Variants in BABAM2 observed in about 807,000 individuals in gnomAD.
BABAM2 encodes BRISC and BRCA1 A complex member 2.
BABAM2 carries 31 observed loss-of-function variants against 54.7 expected under a neutral mutation model. The observed-to-expected ratio is 0.57, with a 90% CI of 0.43 to 0.77. BABAM2 has a LOEUF of 0.77. Among genes scored for constraint, BABAM2 ranks in the 30% least tolerant of loss-of-function variants. BABAM2 has a pLI of 0.00. For synonymous variants in BABAM2, 167 were observed against 162.9 expected, an observed-to-expected ratio of 1.03 and a Z score of -0.19; for missense variants, 364 against 455.8, an observed-to-expected ratio of 0.80 and a Z score of 1.83.
intron 5 of BABAM2, among the ~76,000 whole-genome samples, chr2:28,034,715 G>A (rs1216338216): frequency 6.6e-6 from 1 of 152,158 alleles, no homozygotes; most frequent in Non-Finnish European, 1.5e-5. Flanking sequence ...AGGTGGAGAA[G>A]AGGAAGGAAA....
intron 10 of BABAM2, among the ~76,000 whole-genome samples, chr2:28,258,549 G>T (rs1180835120): frequency 6.6e-6 from 1 of 150,616 alleles, no homozygotes. Flanking sequence ...CTTTTCCTAT[G>T]CTTATCTGCC....
At chr2:27,963,565 A>G (rs896821965) in intron 3 of BABAM2, among the ~76,000 whole-genome samples, 1 of 151,904 alleles carries the variant, frequency 6.6e-6, no homozygotes, top group African/African-American at 2.4e-5. Context: ...AAAACCTGTT[A>G]TATCTTTAGT....
chr2:28,251,797 C>T (rs1433808190), intron 10 of BABAM2, among the ~76,000 whole-genome samples: 1 of 152,140 alleles, frequency 6.6e-6, no homozygotes, highest in Non-Finnish European at 1.5e-5. Context: ...GAATTTGTTT[C>T]AAGCCAAATC....
chr2:27,924,991 T>A (rs1667581746), intron 2 of BABAM2, among the ~76,000 whole-genome samples: 1 of 152,210 alleles, frequency 6.6e-6, no homozygotes, highest in South Asian at 2.1e-4. Flanking sequence ...AGCTTTCCTC[T>A]GTTCCCTTGA....
intron 7 of BABAM2, among the ~76,000 whole-genome samples, chr2:28,165,628 G>A (rs1673592465): frequency 7.2e-6 from 1 of 138,970 alleles, no homozygotes; most frequent in Non-Finnish European, 1.5e-5. Flanking sequence ...TCCGCTTCCT[G>A]GGTTCAAGGG....
At chr2:28,247,415 C>A (rs1010723177) in intron 10 of BABAM2, among the ~76,000 whole-genome samples, 1 of 152,316 alleles carries the variant, frequency 6.6e-6, no homozygotes, top group African/African-American at 2.4e-5. Flanking sequence ...CTTAGTCATG[C>A]AGTTAAGCAT....
intron 4 of BABAM2, among the ~76,000 whole-genome samples, chr2:28,012,481 A>G (rs886694297): frequency 6.6e-6 from 1 of 152,192 alleles, no homozygotes; most frequent in Admixed American, 6.5e-5. Flanking sequence ...TAATACATAT[A>G]TTTTTGAGAA....
In BABAM2 at chr2:28,308,063, T is replaced by C. The variant is rs184631138; in HGVS notation, c.1088+9572T>C. The C allele has an allele frequency of 1.9e-3, 354 of 191,128 alleles. 1 individual carries two copies. Among genetic ancestry groups the C allele is most frequent in the Non-Finnish European group, 3.0e-3 (274 of 91,964 alleles). 11.8% of individuals were successfully genotyped at this position (191,128 alleles called of 1,614,324 possible). On this transcript the variant is annotated intron_variant, in intron 11 of 11. Transcript: ENST00000379624. ...TTCTTAGTAGGCCTCATACAGATTA[T>C]AAAAACTGAGGCTCAGAGTGATTAA...
At chr2:28,271,402 T>C (rs890840193) in intron 10 of BABAM2, among the ~76,000 whole-genome samples, 1 of 151,440 alleles carries the variant, frequency 6.6e-6, no homozygotes, top group African/African-American at 2.4e-5. Flanking sequence ...ACCAACATGA[T>C]TTCCTCTCCT....
chr2:28,309,858 T>G, intron 11 of BABAM2: 3 of 513,688 alleles, frequency 5.8e-6, no homozygotes, highest in South Asian at 2.7e-5. Context: ...GAGAAGACAA[T>G]AAAGTCAGTG....
chr2:28,025,448 G>A (rs1405529664), intron 5 of BABAM2, 28 bp downstream of exon 5: 1 of 1,532,604 alleles, frequency 6.5e-7, no homozygotes, highest in Admixed American at 2.3e-5. Context: ...TGGAAAAAAA[G>A]ATGACTTCAT....
intron 7 of BABAM2, among the ~76,000 whole-genome samples, chr2:28,161,317 G>A (rs777689546): frequency 6.6e-5 from 10 of 152,124 alleles, no homozygotes; most frequent in Non-Finnish European, 1.5e-4. Context: ...GGCTCCAGGA[G>A]TCTAGGTGCT....
intron 4 of BABAM2, among the ~76,000 whole-genome samples, chr2:28,021,219 A>G (rs539529994): frequency 6.6e-6 from 1 of 152,318 alleles, no homozygotes; most frequent in African/African-American, 2.4e-5. Flanking sequence ...CTGAAGCACT[A>G]TCAGGATAAT....
At chr2:28,084,136 T>C (rs1471509943) in intron 6 of BABAM2, among the ~76,000 whole-genome samples, 1 of 152,130 alleles carries the variant, frequency 6.6e-6, no homozygotes. Flanking sequence ...ACATGGATGA[T>C]AGAGACACAG....
intron 3 of BABAM2, among the ~76,000 whole-genome samples, chr2:27,932,786 G>A (rs1668190690): frequency 6.6e-6 from 1 of 152,142 alleles, no homozygotes; most frequent in Non-Finnish European, 1.5e-5. Flanking sequence ...TACTAGGACA[G>A]ATGGCTTCCT....
intron 11 of BABAM2, among the ~76,000 whole-genome samples, chr2:28,312,007 A>G (rs1278123137): frequency 6.6e-6 from 1 of 152,224 alleles, no homozygotes; most frequent in African/African-American, 2.4e-5. Context: ...GCTTCTTAGG[A>G]ATTAGGCTTG....
At chr2:28,250,493 G>T (rs991366182) in intron 10 of BABAM2, among the ~76,000 whole-genome samples, 3 of 150,274 alleles carry the variant, frequency 2.0e-5, no homozygotes, top group Non-Finnish European at 3.0e-5. Context: ...TCTATTAATT[G>T]TCATATATAT....
intron 11 of BABAM2, among the ~76,000 whole-genome samples, chr2:28,331,137 G>C (rs1438505064): frequency 2.0e-5 from 3 of 152,064 alleles, no homozygotes; most frequent in Non-Finnish European, 4.4e-5. Context: ...ATTTGAAACT[G>C]GACCGTCTCC....
chr2:27,896,898 T>A (rs926825776), intron 2 of BABAM2: 1 of 181,042 alleles, frequency 5.5e-6, no homozygotes, highest in Admixed American at 5.6e-5. Context: ...CTGGTGATGG[T>A]CATATCAGTG....
Sources: gnomAD v4.1 joint callset for allele counts (sites outside exome capture counted in the v4.1 genomes callset) on GRCh38, gnomAD v4.1.1 for gene constraint, MANE v1.5 for transcripts, NCBI Gene and HGNC (gene_info 2026-07-23, HGNC 2026-07-21) for gene names.